DHX57: variants seen among roughly 807,000 people sequenced by gnomAD.
DHX57 encodes putative ATP-dependent RNA helicase DHX57.
A neutral mutation model predicts 156.2 loss-of-function variants in DHX57; 105 were observed. That is an observed-to-expected ratio of 0.67 (90% confidence interval 0.57 to 0.79). The LOEUF (loss-of-function observed/expected upper bound fraction) is 0.79. Among genes scored for constraint, DHX57 ranks in the 30% least tolerant of loss-of-function variants. The pLI is 0.00. For synonymous variants in DHX57, 704 were observed against 595.6 expected (o/e 1.18, Z -2.65); for missense variants, 1,847 against 1,661.9 (o/e 1.11, Z -1.94).
At chr2:38,799,542 GA>G (rs1414726704) in intron 23 of DHX57, among the ~76,000 whole-genome samples, 9 of 150,950 alleles carry the variant, frequency 6.0e-5, no homozygotes, top group Admixed American at 6.0e-4. Context: ...ACCTGAGGTG[GA>G]AGTTCGAGAC....
At chr2:38,819,234 G>A in intron 17 of DHX57, 90 bp from the exon 18 acceptor site, 1 of 1,223,182 alleles carries the variant, frequency 8.2e-7, no homozygotes, top group Non-Finnish European at 1.2e-6. Context: ...GAGTGCAGTG[G>A]TGCGATCATA....
intron 21 of DHX57, among the ~76,000 whole-genome samples, chr2:38,806,946 G>C (rs1427041438): frequency 5.9e-5 from 9 of 151,470 alleles, no homozygotes; most frequent in Admixed American, 2.0e-4. Flanking sequence ...AGGCCATGTG[G>C]GAGAAAACTA....
intron 21 of DHX57, among the ~76,000 whole-genome samples, chr2:38,808,631 C>G (rs889422890): frequency 2.0e-5 from 3 of 151,916 alleles, no homozygotes; most frequent in African/African-American, 7.3e-5. Context: ...GCAATTGTTT[C>G]CTAATAACAA....
chr2:38,839,221 C>T (rs564657138), intron 12 of DHX57, among the ~76,000 whole-genome samples: 8 of 151,862 alleles, frequency 5.3e-5, no homozygotes, highest in Non-Finnish European at 1.2e-4. Flanking sequence ...TGAGCCACCG[C>T]GCCCGGCCAC....
intron 16 of DHX57, among the ~76,000 whole-genome samples, chr2:38,824,600 A>G (rs1055724305): frequency 8.5e-5 from 13 of 152,160 alleles, no homozygotes; most frequent in African/African-American, 3.1e-4. Context: ...GGTTTAAACG[A>G]TCCACTTATT....
chr2:38,871,720 T>TC (rs1665362103), intron 1 of DHX57, among the ~76,000 whole-genome samples: 1 of 151,522 alleles, frequency 6.6e-6, no homozygotes. Flanking sequence ...CTTTTTTTTT[T>TC]TTTTTTGAGA....
intron 13 of DHX57, 74 bp downstream of exon 13, chr2:38,837,757 C>T (rs745445455): frequency 5.6e-6 from 5 of 889,226 alleles, no homozygotes; most frequent in Non-Finnish European, 9.4e-6. Flanking sequence ...TTCAAGCACT[C>T]ATGAATAGAC....
At chr2:38,817,798 A>C (rs1433485598) in intron 19 of DHX57, among the ~76,000 whole-genome samples, 2 of 152,120 alleles carry the variant, frequency 1.3e-5, no homozygotes, top group Non-Finnish European at 2.9e-5. Context: ...CCCAGGCTCA[A>C]GTGATCCTCC....
At position 38,818,921 on chromosome 2, in the gene DHX57, A is replaced by G; in HGVS notation, c.3427T>C (p.Tyr1143His). The G allele has an allele frequency of 6.2e-7, 1 of 1,614,200 alleles. No individual in the cohort carries two copies. Among genetic ancestry groups the G allele is most frequent in the South Asian group, 1.1e-5 (1 of 91,080 alleles). Reference sequence around the variant, plus strand: ...AAGAAGTTTTGTCTGCAGTAATTATAACTTGCACGCACGCCTTCTTTTGTA... The same window carrying G: ...AAGAAGTTTTGTCTGCAGTAATTATGACTTGCACGCACGCCTTCTTTTGTA... The part of the protein sequence containing the change: ...LSTKEGVRAS[Y>H]NYCRQNFLSG... Residue 1143 changes from tyrosine (Y) to histidine (H), a missense_variant, in exon 19 of 24, where the codon TAT becomes CAT. Physicochemically the swap from Tyr to His is moderately conservative, Grantham distance 83 (BLOSUM62 2). Coordinates refer to ENST00000457308, the MANE Select transcript of DHX57 (RefSeq NM_198963.3).
intron 16 of DHX57, among the ~76,000 whole-genome samples, chr2:38,824,803 A>G (rs1274254995): frequency 6.6e-6 from 1 of 152,112 alleles, no homozygotes; most frequent in Admixed American, 6.6e-5. Flanking sequence ...GTGCGCCACT[A>G]TACCTGGCTA....
Position 38,816,744 on chromosome 2 carries a change from ATAATT to A in DHX57, c.3472-1094_3472-1090del, listed in dbSNP as rs538102479. On this transcript the variant is annotated intron_variant, in intron 19 of 23. Coordinates refer to ENST00000457308, the MANE Select transcript of DHX57 (RefSeq NM_198963.3). ...TCAAGTATACATGGATAACTAGAAT[ATAATT>A]AGGAGTTAAATATACCGCAGTTTCT... Among the ~76,000 whole-genome samples, 175 of 152,338 alleles carry A rather than the reference ATAATT, an allele frequency of 1.1e-3. 1 individual carries two copies. The Middle Eastern group carries it at 0.02, about 18-fold the overall frequency.
intron 13 of DHX57, 87 bp from the exon 14 acceptor site, chr2:38,828,523 A>C: frequency 6.0e-6 from 5 of 838,636 alleles, no homozygotes; most frequent in Admixed American, 3.1e-5. Context: ...AATATGATAA[A>C]TGAAGTAAAT....
In DHX57 at chr2:38,868,248, G is replaced by A. The variant is rs778990019; in HGVS notation, c.158C>T (p.Ala53Val). ...GGGGGGGNRK[A>V]SSRIWDDGDD... The stretch of plus-strand genomic sequence containing the variant: ...TCCATCATCCCATATTCTACTGGAG[G>A]CCTTTCTGTTGCCGCCACCTCCACC... The change falls in exon 2 of 24, where the codon GCC becomes GTC. Residue 53 changes from alanine to valine, a missense_variant. Physicochemically the swap from Ala to Val is moderately conservative, Grantham distance 64 (BLOSUM62 0). Coordinates refer to ENST00000457308, the MANE Select transcript of DHX57 (RefSeq NM_198963.3). 1 of 1,613,878 alleles carries A rather than the reference G, an allele frequency of 6.2e-7. No individual in the cohort carries two copies. Among genetic ancestry groups the A allele is most frequent in the African/African-American group, 1.3e-5 (1 of 74,860 alleles).
At chr2:38,848,156 T>C (rs1430777716) in intron 10 of DHX57, 113 bp downstream of exon 10, 5 of 1,142,378 alleles carry the variant, frequency 4.4e-6, no homozygotes, top group Non-Finnish European at 6.0e-6. Context: ...TTTTATGTTA[T>C]AAATGAATCG....
intron 9 of DHX57, chr2:38,853,253 G>A (rs1487260827): frequency 6.8e-6 from 1 of 147,496 alleles, no homozygotes; most frequent in Admixed American, 6.8e-5. Context: ...TGTATCCCCA[G>A]TAGAATGACT....
At chr2:38,825,453 C>T (rs1284897942) in intron 16 of DHX57, among the ~76,000 whole-genome samples, 1 of 152,138 alleles carries the variant, frequency 6.6e-6, no homozygotes, top group Non-Finnish European at 1.5e-5. Flanking sequence ...CAGGTGTGTG[C>T]TATCACACAC....
chr2:38,830,113 G>A (rs973118712), intron 13 of DHX57, among the ~76,000 whole-genome samples: 2 of 152,118 alleles, frequency 1.3e-5, no homozygotes, highest in Non-Finnish European at 2.9e-5. Context: ...CATGTGAAGT[G>A]CAATGGGATA....
chr2:38,852,574 C>G (rs889595180), intron 9 of DHX57, among the ~76,000 whole-genome samples: 1 of 151,008 alleles, frequency 6.6e-6, no homozygotes, highest in Non-Finnish European at 1.5e-5. Context: ...CTTCCTGGCC[C>G]TCCTCAGTAC....
intron 19 of DHX57, among the ~76,000 whole-genome samples, chr2:38,817,388 C>G (rs1192915486): frequency 3.3e-5 from 5 of 152,162 alleles, no homozygotes; most frequent in African/African-American, 1.2e-4. Context: ...AATCTCAACT[C>G]ACTGAAACCT....
Sources: gnomAD v4.1 joint callset for allele counts (sites outside exome capture counted in the v4.1 genomes callset) on GRCh38, gnomAD v4.1.1 for gene constraint, MANE v1.5 for transcripts, NCBI Gene and HGNC (gene_info 2026-07-23, HGNC 2026-07-21) for gene names.